The following RASGEF1C variants were observed in gnomAD, a reference collection of about 807,000 sequenced individuals.
The protein encoded by RASGEF1C is ras-GEF domain-containing family member 1C.
Under a neutral mutation model 58.1 loss-of-function variants are expected in RASGEF1C, and 27 were observed. The observed-to-expected ratio is 0.46, with a 90% CI of 0.34 to 0.64. The LOEUF is 0.64. RASGEF1C is among the 30% of genes least tolerant of loss of function. The probability of loss-of-function intolerance (pLI) is 0.01; values close to 1 mark genes in which losing one functional copy is unlikely to be tolerated. For missense variants in RASGEF1C, 502 were observed against 605.1 expected (o/e 0.83, Z 1.79); for synonymous variants, 243 against 246.3 (o/e 0.99, Z 0.13).
At chr5:180,192,357 A>G (rs1044205510) in intron 1 of RASGEF1C, among the ~76,000 whole-genome samples, 2 of 152,182 alleles carry the variant, frequency 1.3e-5, no homozygotes, top group African/African-American at 2.4e-5. Context: ...ATGAAAGCGG[A>G]GGGACGGATG....
rs2113284760 is a variant in RASGEF1C, at chr5:180,143,898, TGGAG to T, written c.-6-5844_-6-5841del. Among the ~76,000 whole-genome samples, 1 of 152,250 alleles carries T rather than the reference TGGAG, an allele frequency of 6.6e-6. No individual in the cohort carries two copies. Among genetic ancestry groups the T allele is most frequent in the South Asian group, 2.1e-4 (1 of 4,826 alleles). Reference sequence around the variant, plus strand: ...GCTGGTCAGAGCGCGTCCTGGGGGCTGGAGGGATGTTCTCCCTGGGCCAGGTGTG... The same window carrying T: ...GCTGGTCAGAGCGCGTCCTGGGGGCTGGATGTTCTCCCTGGGCCAGGTGTG... On this transcript the variant is annotated intron_variant, in intron 1 of 13. Coordinates refer to ENST00000361132, the MANE Select transcript of RASGEF1C (RefSeq NM_175062.4). This position sits in a 1 kb window ranked among gnomAD's most constrained non-coding sequence, Gnocchi z 4.3.
At chr5:180,119,091 T>C (rs376065022) in intron 8 of RASGEF1C, among the ~76,000 whole-genome samples, 1 of 152,182 alleles carries the variant, frequency 6.6e-6, no homozygotes, top group African/African-American at 2.4e-5. Context: ...GCCCTCGTTC[T>C]CTCTGGGTCT....
intron 1 of RASGEF1C, among the ~76,000 whole-genome samples, chr5:180,200,481 T>G (rs932424349): frequency 2.6e-5 from 4 of 151,326 alleles, no homozygotes; most frequent in Non-Finnish European, 5.9e-5. Flanking sequence ...GGCTAATTTT[T>G]TTTTGGTATT....
In RASGEF1C at chr5:180,118,930, AC is replaced by A. The variant is rs532002423; in HGVS notation, c.908-65del. On this transcript the variant is annotated intron_variant, in intron 8 of 13. Transcript: ENST00000361132. ...GACAGGGGGGCCTCTGCGTAGCTGC[AC>A]CCCCTTGGACTGCACCCTGACCAGG... 370 of 1,441,116 alleles carry A rather than the reference AC, an allele frequency of 2.6e-4. 1 individual carries two copies. In the African/African-American group the frequency reaches 4.9e-3, roughly 19 times the overall value. 89.3% of individuals were successfully genotyped at this position (1,441,116 alleles called of 1,614,324 possible).
Position 180,196,484 on chromosome 5 carries a change from G to C in RASGEF1C, c.-7+12544C>G, listed in dbSNP as rs77773519. Among the ~76,000 whole-genome samples the C allele has an allele frequency of 8.6e-5, 13 of 150,860 alleles. 1 individual carries two copies. In the South Asian group the frequency reaches 2.7e-3, roughly 31 times the overall value. ...CCATTGCACTCCAGCCTGGGCAACA[G>C]TGAGACTCTGTCTCAAAAAAGAAAA... On this transcript the variant is annotated intron_variant, in intron 1 of 13. Coordinates refer to ENST00000361132, the MANE Select transcript of RASGEF1C (RefSeq NM_175062.4).
In RASGEF1C at chr5:180,137,856, C is replaced by G; in HGVS notation, c.177+20G>C. On this transcript the variant is annotated intron_variant, in intron 2 of 13. Transcript: ENST00000361132. This position sits in a 1 kb window ranked among gnomAD's most constrained non-coding sequence, Gnocchi z 4.1. ...GGTGGAGGAGAGCCCACTCTCCTGC[C>G]CGCTGGGTGGATCACCCACCTCGGG... The G allele has an allele frequency of 6.2e-7, 1 of 1,608,878 alleles. No homozygotes were observed. Among genetic ancestry groups the G allele is most frequent in the Non-Finnish European group, 8.5e-7 (1 of 1,178,034 alleles).
chr5:180,137,192 A>G lies in RASGEF1C; in HGVS notation c.300+398T>C, dbSNP rs540555164. Among the ~76,000 whole-genome samples the G allele has an allele frequency of 1.3e-5, 2 of 152,230 alleles. No individual in the cohort carries two copies. Among genetic ancestry groups the G allele is most frequent in the East Asian group, 3.9e-4 (2 of 5,156 alleles). ...GGCGGGTTGAAGTTGGGTCTCTCCC[A>G]CTAGCGGTAGAGCCCTACCGACGCG... On this transcript the variant is annotated intron_variant, in intron 3 of 13. Coordinates refer to ENST00000361132, the MANE Select transcript of RASGEF1C (RefSeq NM_175062.4). The surrounding 1 kb of genome is among the most constrained non-coding windows in gnomAD (Gnocchi z 4.1).
chr5:180,189,923 CAAAAAAAAAAAAA>C (rs71001085), intron 1 of RASGEF1C, among the ~76,000 whole-genome samples: 3 of 37,188 alleles, frequency 8.1e-5, no homozygotes, highest in Non-Finnish European at 1.4e-4. Flanking sequence ...AACTCCATCT[CAAAAAAAAAAAAA>C]AAAAAAAAAA....
At chr5:180,139,109 C>T (rs2113280558) in intron 1 of RASGEF1C, among the ~76,000 whole-genome samples, 1 of 152,318 alleles carries the variant, frequency 6.6e-6, no homozygotes, top group Admixed American at 6.5e-5. Context: ...TGTGACCCTG[C>T]TCTGAGTGAC....
At chr5:180,111,331 C>G in intron 12 of RASGEF1C, 126 bp downstream of exon 12, 2 of 1,304,490 alleles carry the variant, frequency 1.5e-6, no homozygotes, top group Admixed American at 2.1e-5. Flanking sequence ...TGTTCCCTCC[C>G]GGAGCCAGCC....
chr5:180,208,434 A>G (rs1187049818), intron 1 of RASGEF1C, among the ~76,000 whole-genome samples: 1 of 151,930 alleles, frequency 6.6e-6, no homozygotes, highest in African/African-American at 2.4e-5. Flanking sequence ...TCTAAATACA[A>G]TGAGTGGACC....
At chr5:180,154,020 C>T (rs1279821990) in intron 1 of RASGEF1C, among the ~76,000 whole-genome samples, 1 of 152,182 alleles carries the variant, frequency 6.6e-6, no homozygotes, top group East Asian at 1.9e-4. Context: ...TGTCTTATTC[C>T]TTCTCCTGCC....
At chr5:180,121,250 T>G in intron 6 of RASGEF1C, 101 bp from the exon 7 acceptor site, 1 of 794,784 alleles carries the variant, frequency 1.3e-6, no homozygotes, top group Non-Finnish European at 2.2e-6. Flanking sequence ...TGGGAAATGT[T>G]AAAACCCCCA....
chr5:180,114,410 T>C (rs1350081574), intron 11 of RASGEF1C, 36 bp downstream of exon 11: 2 of 1,599,078 alleles, frequency 1.3e-6, no homozygotes, highest in African/African-American at 2.7e-5. Context: ...TTTCCCGGCC[T>C]GTCTACCTCA....
At chr5:180,188,472 T>C (rs370928949) in intron 1 of RASGEF1C, among the ~76,000 whole-genome samples, 5 of 152,176 alleles carry the variant, frequency 3.3e-5, no homozygotes, top group African/African-American at 9.7e-5. Context: ...AATCATCTCA[T>C]AGATGCGAGA....
intron 7 of RASGEF1C, among the ~76,000 whole-genome samples, chr5:180,120,800 G>A (rs1027019713): frequency 6.6e-6 from 1 of 152,180 alleles, no homozygotes; most frequent in Non-Finnish European, 1.5e-5. Flanking sequence ...TGGGAGTGAC[G>A]GCCTCTCACT....
chr5:180,113,986 C>T (rs992433311), intron 11 of RASGEF1C, among the ~76,000 whole-genome samples: 1 of 152,114 alleles, frequency 6.6e-6, no homozygotes, highest in Non-Finnish European at 1.5e-5. Context: ...GACACTTGAG[C>T]TGAGAGTGGT....
intron 6 of RASGEF1C, among the ~76,000 whole-genome samples, chr5:180,123,287 G>T (rs1766204396): frequency 6.6e-6 from 1 of 152,156 alleles, no homozygotes; most frequent in South Asian, 2.1e-4. Context: ...CAGTCACATG[G>T]AAGATTTTAA....
intron 1 of RASGEF1C, among the ~76,000 whole-genome samples, chr5:180,194,678 G>A (rs1470495829): frequency 6.6e-6 from 1 of 152,250 alleles, no homozygotes; most frequent in Non-Finnish European, 1.5e-5. Context: ...CACTTCCCAG[G>A]TGACTGATGG....
Sources: allele counts gnomAD v4.1 joint callset (sites outside exome capture counted in the v4.1 genomes callset), GRCh38; gene constraint gnomAD v4.1.1; non-coding constraint Gnocchi (gnomAD v3.1); transcripts MANE v1.5; gene names NCBI Gene and HGNC (gene_info 2026-07-23, HGNC 2026-07-21).